CDKL3: variants seen among roughly 807,000 people sequenced by gnomAD.
CDKL3 encodes cyclin dependent kinase like 3.
Under a neutral mutation model 69.3 loss-of-function variants are expected in CDKL3, and 65 were observed. The ratio of observed to expected loss-of-function variants is 0.94; its 90% confidence interval spans 0.77 to 1.15. The LOEUF (loss-of-function observed/expected upper bound fraction) is 1.15. CDKL3 is among the 50% of genes most tolerant of loss of function. CDKL3 has a pLI of 0.00. For synonymous variants in CDKL3, 202 were observed against 221.6 expected (o/e 0.91, Z 0.79); for missense variants, 652 against 689.2 (o/e 0.95, Z 0.61).
chr5:134,358,681 T>C (rs1755232444), intron 3 of CDKL3, among the ~76,000 whole-genome samples: 2 of 152,264 alleles, frequency 1.3e-5, no homozygotes, highest in African/African-American at 2.4e-5. Flanking sequence ...CATAGCTTAC[T>C]GCAGCCTTGA....
intron 4 of CDKL3, among the ~76,000 whole-genome samples, chr5:134,336,767 T>C (rs1352816032): frequency 6.6e-6 from 1 of 152,166 alleles, no homozygotes; most frequent in Non-Finnish European, 1.5e-5. Context: ...TGTCGCCCAG[T>C]CAGGCTACAT....
intron 4 of CDKL3, among the ~76,000 whole-genome samples, chr5:134,323,851 A>G (rs1269946103): frequency 2.6e-5 from 4 of 152,210 alleles, no homozygotes; most frequent in African/African-American, 9.6e-5. Flanking sequence ...AAAAGAAAAA[A>G]TTGATAGTTA....
intron 4 of CDKL3, among the ~76,000 whole-genome samples, chr5:134,329,093 C>T (rs764703113): frequency 2.3e-4 from 35 of 152,172 alleles, no homozygotes; most frequent in South Asian, 8.3e-4. Context: ...GTAATCCCAG[C>T]ACATTTGAGG....
upstream of CDKL3, chr5:134,371,360 C>A: frequency 1.6e-6 from 1 of 620,782 alleles, no homozygotes; most frequent in Non-Finnish European, 2.8e-6. Context: ...GGGGAAGGCG[C>A]GCTCCCGCGT....
chr5:134,340,304 C>T (rs1381881924), intron 4 of CDKL3, among the ~76,000 whole-genome samples: 1 of 152,138 alleles, frequency 6.6e-6, no homozygotes, highest in East Asian at 1.9e-4. Context: ...CCTAACCTTC[C>T]ACCTTAAGAC....
At chr5:134,341,089 T>C (rs979923898) in intron 4 of CDKL3, among the ~76,000 whole-genome samples, 1 of 152,090 alleles carries the variant, frequency 6.6e-6, no homozygotes, top group Non-Finnish European at 1.5e-5. Flanking sequence ...CCAAAAAAAT[T>C]TCTCATTTTG....
intron 12 of CDKL3, chr5:134,299,791 G>T: frequency 7.7e-7 from 1 of 1,304,848 alleles, no homozygotes; most frequent in East Asian, 2.5e-5. Context: ...TGAGGACATG[G>T]TGAGTCTTTG....
chr5:134,353,199 A>G (rs1193650259), intron 3 of CDKL3, among the ~76,000 whole-genome samples: 3 of 152,196 alleles, frequency 2.0e-5, no homozygotes, highest in Non-Finnish European at 4.4e-5. Flanking sequence ...CAAGAAGTGA[A>G]AGTCCACAAT....
chr5:134,319,415 G>A lies in CDKL3; in HGVS notation c.735C>T (p.Pro245=). ...TTGGATATTTTTTTCTTGCATTTTT[G>A]GGGTGTTGAACTTGAGGAAGAACTA... The part of the protein sequence containing the change: ...AGVVLPQVQH[P]KNARKKYPKL... Residue 245 remains proline, a synonymous_variant, in exon 6 of 13, where the codon CCC becomes CCT. Transcript: ENST00000265334. 1 of 1,538,536 alleles carries A rather than the reference G, an allele frequency of 6.5e-7. No individual in the cohort carries two copies. Among genetic ancestry groups the A allele is most frequent in the Admixed American group, 2.1e-5 (1 of 47,916 alleles).
chr5:134,351,142 A>G (rs757832814), intron 3 of CDKL3, among the ~76,000 whole-genome samples: 2 of 152,208 alleles, frequency 1.3e-5, no homozygotes, highest in Non-Finnish European at 2.9e-5. Context: ...AAAAATGCCA[A>G]CTATTCCTAC....
intron 6 of CDKL3, among the ~76,000 whole-genome samples, chr5:134,314,102 G>A (rs1304819579): frequency 1.3e-5 from 2 of 152,088 alleles, no homozygotes; most frequent in East Asian, 1.9e-4. Context: ...CCAAGATCAC[G>A]CCATTGCACT....
At chr5:134,302,500 A>G in intron 12 of CDKL3, 90 bp downstream of exon 12, 2 of 683,736 alleles carry the variant, frequency 2.9e-6, no homozygotes, top group Non-Finnish European at 5.0e-6. Flanking sequence ...ATTTTTATAT[A>G]GCTTTCCAAT....
intron 12 of CDKL3, chr5:134,299,326 T>C (rs927426818): frequency 4.3e-5 from 10 of 230,424 alleles, no homozygotes; most frequent in African/African-American, 1.6e-4. Flanking sequence ...CTTTATCACA[T>C]ATTTAGAAAC....
At chr5:134,319,257 G>A in intron 6 of CDKL3, 101 bp downstream of exon 6, 1 of 811,722 alleles carries the variant, frequency 1.2e-6, no homozygotes, top group Non-Finnish European at 1.8e-6. Flanking sequence ...CATGACCTGG[G>A]AGTCAGAGGT....
At chr5:134,321,627 T>C (rs1364080426) in intron 5 of CDKL3, among the ~76,000 whole-genome samples, 164 bp downstream of exon 5, 1 of 152,196 alleles carries the variant, frequency 6.6e-6, no homozygotes, top group Non-Finnish European at 1.5e-5. Context: ...AAGCAGAGAA[T>C]TTTCTGCCTT....
chr5:134,367,127 C>A lies in CDKL3; in HGVS notation c.-172G>T. 10 of 985,748 alleles carry A rather than the reference C, an allele frequency of 1.0e-5. No individual in the cohort carries two copies. Among genetic ancestry groups the A allele is most frequent in the Non-Finnish European group, 9.6e-6 (8 of 830,192 alleles). 61.1% of individuals were successfully genotyped at this position (985,748 alleles called of 1,614,324 possible). A position where few individuals can be genotyped will look rare whatever the true frequency, so the allele number is the denominator to read the frequency against. The stretch of plus-strand genomic sequence containing the variant: ...TTTGTTGCTCAGCCCCGCAAGGAAC[C>A]GGCCACTTGCCACCATGGAAACGCC... On this transcript the variant is annotated 5_prime_UTR_variant, in exon 1 of 13. Transcript: ENST00000265334.
chr5:134,367,302 A>G (rs1036307571), upstream of CDKL3: 11 of 984,454 alleles, frequency 1.1e-5, no homozygotes, highest in Non-Finnish European at 1.3e-5. Context: ...AGGGGAGTAC[A>G]GATTGCTGTC....
At chr5:134,308,772 A>T (rs755318856) in intron 7 of CDKL3, 45 bp from the exon 8 acceptor site, 145 of 1,477,892 alleles carry the variant, frequency 9.8e-5, no homozygotes, top group South Asian at 7.6e-4. Flanking sequence ...TTATATATGC[A>T]GATGGAGTAT....
chr5:134,336,167 C>T (rs893811114), intron 4 of CDKL3, among the ~76,000 whole-genome samples: 1 of 152,188 alleles, frequency 6.6e-6, no homozygotes, highest in Admixed American at 6.5e-5. Context: ...TGGTTTTCAG[C>T]TCCATCAGGT....
Sources: gnomAD v4.1 joint callset for allele counts (sites outside exome capture counted in the v4.1 genomes callset) on GRCh38, gnomAD v4.1.1 for gene constraint, MANE v1.5 for transcripts, NCBI Gene and HGNC (gene_info 2026-07-23, HGNC 2026-07-21) for gene names.